Variants in ZHX3 observed in about 807,000 individuals in gnomAD.
ZHX3 encodes the protein zinc fingers and homeoboxes 3.
ZHX3 carries 20 observed loss-of-function variants against 64.5 expected under a neutral mutation model. That is an observed-to-expected ratio of 0.31 (90% CI 0.22 to 0.45). The LOEUF (loss-of-function observed/expected upper bound fraction) is 0.45. Ranked by LOEUF, ZHX3 falls within the 20% of genes least tolerant of loss-of-function variation. The pLI is 1.00. For synonymous variants in ZHX3, 423 were observed against 461.6 expected, an observed-to-expected ratio of 0.92 and a Z score of 1.07; for missense variants, 1,041 against 1,195.8, an observed-to-expected ratio of 0.87 and a Z score of 1.91.
At chr20:41,261,067 A>G in intron 2 of ZHX3, among the ~76,000 whole-genome samples, 1 of 152,228 alleles carries the variant, frequency 6.6e-6, no homozygotes. Flanking sequence ...CAGCATGGAA[A>G]GACCTGAAAG....
chr20:41,202,229 G>T lies in ZHX3; in HGVS notation c.2688C>A (p.Asp896Glu). 6.2e-7 allele frequency: 1 copy of T among 1,614,176 alleles called. No individual in the cohort carries two copies. The highest frequency in any genetic ancestry group is 8.5e-7 in the Non-Finnish European group (1 of 1,180,040). Reference protein sequence around the residue: ...KMGEETRAVADTGSEDQGPGT... With the variant: ...KMGEETRAVAETGSEDQGPGT... ...CAGGGCCCTGGTCCTCACTGCCTGTGTCTGCCACGGCTCTGGTCTCCTCCC... is the reference window on the plus strand; with the variant it reads ...CAGGGCCCTGGTCCTCACTGCCTGTTTCTGCCACGGCTCTGGTCTCCTCCC... The change falls in exon 3 of 4, where the codon GAC becomes GAA. Residue 896 changes from aspartate (D) to glutamate (E), a missense_variant. Asp to Glu is a conservative substitution (Grantham distance 45). This residue lies in a region of ZHX3 where 649 missense variants were observed against 739.8 expected (regional missense o/e 0.88). Transcript: ENST00000683867. This position sits in a 1 kb window ranked among gnomAD's most constrained non-coding sequence, Gnocchi z 7.0.
Position 41,201,988 on chromosome 20 carries a change from A to G in ZHX3, c.2860+69T>C. 6.7e-7 allele frequency: 1 copy of G among 1,487,300 alleles called. No homozygotes were observed. The highest frequency in any genetic ancestry group is 8.9e-7 in the Non-Finnish European group (1 of 1,118,342). 92.1% of individuals were successfully genotyped at this position (1,487,300 alleles called of 1,614,324 possible). On this transcript the variant is annotated intron_variant, in intron 3 of 3. Transcript: ENST00000683867. The surrounding 1 kb of genome is among the most constrained non-coding windows in gnomAD (Gnocchi z 5.0). ...GCAGATGCCCCTGTGCAGTAAATTCAGTGCCCAACCATAAGTGCCTCCTCC... is the reference window on the plus strand; with the variant it reads ...GCAGATGCCCCTGTGCAGTAAATTCGGTGCCCAACCATAAGTGCCTCCTCC...
chr20:41,204,003 C>A lies in ZHX3; in HGVS notation c.914G>T (p.Ser305Ile). ...CATGGCTGCATTGTACGTTGGAATG[C>A]TGCTCAGGGGGATCATCACTTTGGG... ...ALPKVMIPLSSIPTYNAAMDS... is the reference protein window; with the variant it reads ...ALPKVMIPLSIIPTYNAAMDS... The change falls in exon 3 of 4, where the codon AGC becomes ATC. Residue 305 changes from serine to isoleucine, a missense_variant. Around this residue, in one of 4 missense-constraint regions of ZHX3, gnomAD observed 358 missense variants for 369.1 expected, o/e 0.97. Coordinates refer to ENST00000683867, the MANE Select transcript of ZHX3 (RefSeq NM_001384317.1). The surrounding 1 kb of genome is among the most constrained non-coding windows in gnomAD (Gnocchi z 6.6). 1 of 1,614,248 alleles carries A rather than the reference C, an allele frequency of 6.2e-7. No homozygotes were observed. The highest frequency in any genetic ancestry group is 8.5e-7 in the Non-Finnish European group (1 of 1,180,044).
intron 2 of ZHX3, among the ~76,000 whole-genome samples, chr20:41,240,272 C>T (rs1408957753): frequency 6.6e-6 from 1 of 152,194 alleles, no homozygotes; most frequent in African/African-American, 2.4e-5. Flanking sequence ...GACAGTAAAT[C>T]ATATCATAAT....
rs1206508840 is a variant in ZHX3, at chr20:41,228,158, G to A, written c.-150-23092C>T. On this transcript the variant is annotated intron_variant, in intron 2 of 3. Transcript: ENST00000683867. The surrounding 1 kb of genome is among the most constrained non-coding windows in gnomAD (Gnocchi z 4.6). ...CCAAAGGGAGCAAACTCATGCCCAG[G>A]ACTTTGCAATCTCCTCTACCCAAGA... 6.6e-6 allele frequency among the ~76,000 whole-genome samples: 1 copy of A among 152,006 alleles called. No homozygotes were observed. The highest frequency in any genetic ancestry group is 1.5e-5 in the Non-Finnish European group (1 of 67,992).
At chr20:41,298,029 A>T (rs554989584) in intron 1 of ZHX3, among the ~76,000 whole-genome samples, 2 of 152,318 alleles carry the variant, frequency 1.3e-5, no homozygotes, top group South Asian at 4.1e-4. Flanking sequence ...CCATGTGCAG[A>T]GGGCTCTTCC....
At chr20:41,266,353 C>T (rs112380781) in intron 2 of ZHX3, among the ~76,000 whole-genome samples, 89 of 152,160 alleles carry the variant, frequency 5.8e-4, no homozygotes, top group East Asian at 2.9e-3. Flanking sequence ...GATTCCAGTT[C>T]GCCTTTGACC....
chr20:41,186,163 TC>T (rs1568778324), intron 3 of ZHX3, among the ~76,000 whole-genome samples: 1 of 152,212 alleles, frequency 6.6e-6, no homozygotes. Flanking sequence ...CCCCATGTCC[TC>T]CACCCCTTAG....
chr20:41,196,482 T>TA (rs2037628628), intron 3 of ZHX3, among the ~76,000 whole-genome samples: 2 of 8,302 alleles, frequency 2.4e-4, no homozygotes, highest in Non-Finnish European at 3.6e-4. Flanking sequence ...TATTTATATA[T>TA]TATAAATATA....
intron 1 of ZHX3, among the ~76,000 whole-genome samples, chr20:41,282,027 A>T (rs1015395207): frequency 6.6e-6 from 1 of 152,082 alleles, no homozygotes; most frequent in Non-Finnish European, 1.5e-5. Context: ...CTTCTTGTGG[A>T]TTGGGCATGA....
intron 2 of ZHX3, among the ~76,000 whole-genome samples, chr20:41,242,176 C>T (rs1408808056): frequency 6.6e-6 from 1 of 152,188 alleles, no homozygotes; most frequent in Admixed American, 6.5e-5. Context: ...GGATGTCAGG[C>T]ACTGTGCTTT....
chr20:41,310,091 C>T (rs2045086207), intron 1 of ZHX3, among the ~76,000 whole-genome samples: 1 of 152,182 alleles, frequency 6.6e-6, no homozygotes, highest in Non-Finnish European at 1.5e-5. Flanking sequence ...TCACGTTAGT[C>T]ACCCCCTGGC....
At chr20:41,238,436 AAAG>A (rs773044983) in intron 2 of ZHX3, among the ~76,000 whole-genome samples, 11 of 152,130 alleles carry the variant, frequency 7.2e-5, no homozygotes, top group Non-Finnish European at 1.5e-4. Flanking sequence ...GAAGGAAGGA[AAAG>A]AAGGAGGGAC....
intron 2 of ZHX3, among the ~76,000 whole-genome samples, chr20:41,249,177 T>A (rs1022975976): frequency 6.6e-6 from 1 of 152,114 alleles, no homozygotes; most frequent in Non-Finnish European, 1.5e-5. Flanking sequence ...AAAACTTTCT[T>A]CACACTAATA....
intron 1 of ZHX3, among the ~76,000 whole-genome samples, chr20:41,292,564 T>G (rs766112249): frequency 1.3e-5 from 2 of 152,228 alleles, no homozygotes; most frequent in African/African-American, 2.4e-5. Flanking sequence ...CTCTCTACTC[T>G]GTGTTTCTAC....
chr20:41,220,327 C>T (rs1185558899), intron 2 of ZHX3, among the ~76,000 whole-genome samples: 1 of 152,164 alleles, frequency 6.6e-6, no homozygotes, highest in Non-Finnish European at 1.5e-5. Flanking sequence ...ACACTTTATA[C>T]AAAAACCGTA....
rs2036395523 is a variant in ZHX3 at position 41,184,973 on chromosome 20, A to G, written c.*218T>C. On this transcript the variant is annotated 3_prime_UTR_variant, in exon 4 of 4. Transcript: ENST00000683867. ...AAGGTCCTACATTGTGGGAGGAAGAACTGATGAGAACCCCATCTTGCTTGC... is the reference window on the plus strand; with the variant it reads ...AAGGTCCTACATTGTGGGAGGAAGAGCTGATGAGAACCCCATCTTGCTTGC... 6.5e-7 allele frequency: 1 copy of G among 1,549,072 alleles called. No homozygotes were observed. Among genetic ancestry groups the G allele is most frequent in the Admixed American group, 2.0e-5 (1 of 50,998 alleles).
chr20:41,281,981 T>A (rs575181978), intron 1 of ZHX3, among the ~76,000 whole-genome samples: 3 of 152,296 alleles, frequency 2.0e-5, no homozygotes, highest in Non-Finnish European at 2.9e-5. Flanking sequence ...GCAGGGAAGA[T>A]GGATTCCCTA....
intron 2 of ZHX3, among the ~76,000 whole-genome samples, chr20:41,233,459 C>T (rs6102315): frequency 0.062 from 9,403 of 152,226 alleles, 958 homozygotes; most frequent in African/African-American, 0.22. Context: ...TCTTTTGCAG[C>T]CCTCTCAGTA....
Sources: allele counts gnomAD v4.1 joint callset (sites outside exome capture counted in the v4.1 genomes callset), GRCh38; gene constraint gnomAD v4.1.1; regional missense constraint gnomAD v4.1.1; non-coding constraint Gnocchi (gnomAD v3.1); transcripts MANE v1.5; gene names NCBI Gene and HGNC (gene_info 2026-07-23, HGNC 2026-07-21).